The following FBN1 variants were observed in gnomAD, a reference collection of about 807,000 sequenced individuals.
The protein encoded by FBN1 is fibrillin 1, also known as fibrillin-1.
In FBN1, 29 loss-of-function variants were observed where a neutral mutation model predicts 365.1. The ratio of observed to expected loss-of-function variants is 0.08; its 90% CI spans 0.06 to 0.11. The LOEUF (loss-of-function observed/expected upper bound fraction) is 0.11, where lower values mean the gene tolerates loss of function less well. FBN1 is among the 10% of genes least tolerant of loss of function. The pLI is 1.00. For synonymous variants in FBN1, 1,210 were observed against 1,270.5 expected (o/e 0.95, Z 1.01); for missense variants, 2,476 against 3,703.2 (o/e 0.67, Z 8.60).
Position 48,499,110 on chromosome 15 carries a change from A to C in FBN1, c.2114-72T>G, listed in dbSNP as rs1263388782. ...AGGTAGATCCTGCCCTTGGTTTTGC[A>C]CACATCATTTCCTCCAAAGTGAGTA... is the stretch of plus-strand genomic sequence containing the variant. On this transcript the variant is annotated intron_variant, in intron 17 of 65. Transcript: ENST00000316623. 44 of 1,464,848 alleles carry C rather than the reference A, an allele frequency of 3.0e-5. No homozygotes were observed. The East Asian group carries it at 9.5e-4, about 32-fold the overall frequency. 90.7% of individuals were successfully genotyped at this position (1,464,848 alleles called of 1,614,324 possible).
At chr15:48,514,026 G>GT (rs1473890570) in intron 12 of FBN1, among the ~76,000 whole-genome samples, 3 of 152,054 alleles carry the variant, frequency 2.0e-5, no homozygotes, top group South Asian at 4.1e-4. Context: ...TTGAAGCTCT[G>GT]TTTTTTTCCA....
chr15:48,526,290 G>A, intron 8 of FBN1, 35 bp from the exon 9 acceptor site: 4 of 1,611,918 alleles, frequency 2.5e-6, no homozygotes, highest in Non-Finnish European at 3.4e-6. Context: ...AGCATTTGTA[G>A]AACACAATAT....
At chr15:48,523,595 T>C (rs1330030481) in intron 9 of FBN1, among the ~76,000 whole-genome samples, 1 of 150,920 alleles carries the variant, frequency 6.6e-6, no homozygotes, top group African/African-American at 2.4e-5. Flanking sequence ...TACAGGCTAA[T>C]AAGTAAAGGA....
chr15:48,642,772 T>C (rs1356397967), intron 2 of FBN1: 4 of 152,158 alleles, frequency 2.6e-5, no homozygotes, highest in Admixed American at 6.5e-5. Context: ...ATTCTATTAA[T>C]ACCCTGTTTT....
chr15:48,415,673 C>T lies in FBN1; in HGVS notation c.7914G>A (p.Gln2638=). Residue 2638 remains glutamine, a synonymous_variant, in exon 64 of 66, where the codon CAG becomes CAA. Transcript: ENST00000316623. ...SYKCMCPAGF[Q]YEQFSGGCQD... ...GGCATCCTCCACTGAACTGTTCATA[C>T]TGGAAGCCGGCGGGACACATGCACT... The T allele has an allele frequency of 6.2e-7, 1 of 1,614,240 alleles. No individual in the cohort carries two copies.
chr15:48,594,704 A>G (rs1191605016), intron 6 of FBN1, among the ~76,000 whole-genome samples: 1 of 152,222 alleles, frequency 6.6e-6, no homozygotes, highest in Non-Finnish European at 1.5e-5. Context: ...TAGTCTTTGC[A>G]GCAAATCTTT....
chr15:48,576,841 G>A (rs1287835722), intron 6 of FBN1, among the ~76,000 whole-genome samples: 3 of 152,142 alleles, frequency 2.0e-5, no homozygotes, highest in Admixed American at 2.0e-4. Flanking sequence ...TATGTTAGAT[G>A]GAGGATGTGT....
chr15:48,421,914 G>A lies in FBN1; in HGVS notation c.7570+38C>T, dbSNP rs770091731. ...TAGAAAATAATCCCTTAAAAGAATC[G>A]CTACAATCCATGTAGGATTTTTTCC... On this transcript the variant is annotated intron_variant, in intron 61 of 65. Transcript: ENST00000316623. The A allele has an allele frequency of 2.1e-5, 30 of 1,451,142 alleles. No homozygotes were observed. The South Asian group carries it at 3.0e-4, about 14-fold the overall frequency. 89.9% of individuals were successfully genotyped at this position (1,451,142 alleles called of 1,614,324 possible).
Position 48,612,915 on chromosome 15 carries a change from T to C in FBN1, c.247+95A>G, listed in dbSNP as rs116726127. 3,529 of 891,978 alleles carry C rather than the reference T, an allele frequency of 4.0e-3. 85 individuals are homozygous for C. The African/African-American group carries it at 0.052, about 13-fold the overall frequency. The allele number at this position is 891,978 out of a possible 1,614,324, so 55.3% of individuals were successfully genotyped here. On this transcript the variant is annotated intron_variant, in intron 3 of 65. Coordinates refer to ENST00000316623, the MANE Select transcript of FBN1 (RefSeq NM_000138.5). ...GAAGGCTGTACTATCAACAGATTAA[T>C]AGTACAGTTACAAAAGGCCACATTC...
chr15:48,436,479 C>T (rs1231021631), intron 53 of FBN1, among the ~76,000 whole-genome samples: 2 of 151,990 alleles, frequency 1.3e-5, no homozygotes, highest in African/African-American at 2.4e-5. Flanking sequence ...GGGTCAAAGG[C>T]CAGCCAGAGG....
At position 48,444,601 on chromosome 15, in the gene FBN1, C is replaced by T. The variant is rs377671719; in HGVS notation, c.5977G>A (p.Asp1993Asn). 1.2e-6 allele frequency: 2 copies of T among 1,613,632 alleles called. No individual in the cohort carries two copies. Among genetic ancestry groups the T allele is most frequent in the Admixed American group, 3.3e-5 (2 of 59,960 alleles). Residue 1993 changes from aspartate (D) to asparagine (N), a missense_variant, in exon 49 of 66, where the codon GAT becomes AAT. Physicochemically the swap from Asp to Asn is conservative, Grantham distance 23 (BLOSUM62 1). Around this residue, in one of 5 missense-constraint regions of FBN1, gnomAD observed 1,780 missense variants for 2,840.8 expected, o/e 0.63. Coordinates refer to ENST00000316623, the MANE Select transcript of FBN1 (RefSeq NM_000138.5). Reference sequence around the variant, plus strand: ...GGGCAAATGCATCTGTAGGACCCATCCAAGTTTTGACAGGTACCTGGTGCA... The same window carrying T: ...GGGCAAATGCATCTGTAGGACCCATTCAAGTTTTGACAGGTACCTGGTGCA... ...KCAPGTCQNL[D>N]GSYRCICPPG...
intron 23 of FBN1, among the ~76,000 whole-genome samples, chr15:48,492,916 A>G (rs1416669837): frequency 6.6e-6 from 1 of 152,206 alleles, no homozygotes; most frequent in Non-Finnish European, 1.5e-5. Context: ...TTGCTTTATG[A>G]GACCAGATGT....
intron 45 of FBN1, among the ~76,000 whole-genome samples, chr15:48,451,673 G>A (rs756108549): frequency 3.3e-5 from 5 of 152,060 alleles, no homozygotes; most frequent in East Asian, 1.9e-4. Context: ...GAAATGAACC[G>A]TGAGCAAAAT....
chr15:48,446,627 A>C (rs2043161274), intron 47 of FBN1, 79 bp downstream of exon 47: 2 of 864,932 alleles, frequency 2.3e-6, no homozygotes, highest in Middle Eastern at 4.4e-4. Context: ...AGACAGCTGG[A>C]ACACTAGAGA....
At chr15:48,563,192 T>A (rs189433478) in intron 6 of FBN1, among the ~76,000 whole-genome samples, 1 of 152,266 alleles carries the variant, frequency 6.6e-6, no homozygotes, top group African/African-American at 2.4e-5. Context: ...TTCTAGGCAC[T>A]GAAGATATGG....
At chr15:48,423,717 C>T (rs886224941) in intron 60 of FBN1, among the ~76,000 whole-genome samples, 2 of 152,198 alleles carry the variant, frequency 1.3e-5, no homozygotes, top group African/African-American at 2.4e-5. Context: ...GCTGCTCCCA[C>T]GGCCACCCTT....
At chr15:48,432,755 A>G in intron 55 of FBN1, 111 bp downstream of exon 55, 1 of 1,385,278 alleles carries the variant, frequency 7.2e-7, no homozygotes, top group Admixed American at 1.7e-5. Context: ...TTGTCCACGG[A>G]CTATTTATAT....
At chr15:48,524,051 T>C (rs1343757818) in intron 9 of FBN1, among the ~76,000 whole-genome samples, 4 of 152,196 alleles carry the variant, frequency 2.6e-5, no homozygotes, top group Admixed American at 2.0e-4. Context: ...AACATGGTTG[T>C]GTACAACCAG....
intron 2 of FBN1, among the ~76,000 whole-genome samples, chr15:48,639,145 T>A (rs1890153491): frequency 6.6e-6 from 1 of 152,218 alleles, no homozygotes; most frequent in South Asian, 2.1e-4. Context: ...CATTTTTGTC[T>A]GGTGGAATGA....
Sources: gnomAD v4.1 joint callset for allele counts (sites outside exome capture counted in the v4.1 genomes callset) on GRCh38, gnomAD v4.1.1 for gene constraint, gnomAD v4.1.1 regional missense constraint, MANE v1.5 for transcripts, NCBI Gene and HGNC (gene_info 2026-07-23, HGNC 2026-07-21) for gene names.